The following BIVM variants were observed in gnomAD, a reference collection of about 807,000 sequenced individuals.
The protein encoded by BIVM is basic, immunoglobulin-like variable motif containing.
A neutral mutation model predicts 61.4 loss-of-function variants in BIVM; 31 were observed. The observed-to-expected ratio is 0.51, with a 90% CI of 0.38 to 0.68. The LOEUF is 0.68. BIVM is among the 30% of genes least tolerant of loss of function. The probability of loss-of-function intolerance (pLI) is 0.00; values close to 1 mark genes in which losing one functional copy is unlikely to be tolerated. For missense variants in BIVM, 526 were observed against 596.0 expected (o/e 0.88, Z 1.22); for synonymous variants, 189 against 210.7 (o/e 0.90, Z 0.89).
chr13:102,808,604 TAGGTAATG>T (rs1281927098), intron 3 of BIVM, among the ~76,000 whole-genome samples: 2 of 152,170 alleles, frequency 1.3e-5, no homozygotes, highest in Non-Finnish European at 2.9e-5. Flanking sequence ...TCTAAATTTG[TAGGTAATG>T]AGTCTGCAAT....
chr13:102,808,862 C>G (rs751514577), intron 3 of BIVM, among the ~76,000 whole-genome samples: 3 of 152,144 alleles, frequency 2.0e-5, no homozygotes, highest in Non-Finnish European at 4.4e-5. Context: ...CCTCTAACAT[C>G]TAAGGAATCT....
chr13:102,817,299 C>A (rs1417001654), intron 4 of BIVM, among the ~76,000 whole-genome samples: 1 of 152,124 alleles, frequency 6.6e-6, no homozygotes, highest in Non-Finnish European at 1.5e-5. Context: ...ATGCATCTAA[C>A]CTCAATATTT....
At chr13:102,814,614 C>A (rs949450108) in intron 3 of BIVM, among the ~76,000 whole-genome samples, 20 of 152,238 alleles carry the variant, frequency 1.3e-4, no homozygotes, top group South Asian at 2.1e-4. Flanking sequence ...GAAACTAATT[C>A]TTCTGTTATC....
intron 7 of BIVM, among the ~76,000 whole-genome samples, chr13:102,829,827 A>G (rs2140490593): frequency 6.6e-6 from 1 of 152,146 alleles, no homozygotes; most frequent in South Asian, 2.1e-4. Flanking sequence ...CGACAGAGCA[A>G]GGCCCTGTCT....
chr13:102,826,051 C>T (rs879620719), intron 7 of BIVM, among the ~76,000 whole-genome samples: 8 of 152,088 alleles, frequency 5.3e-5, no homozygotes, highest in Non-Finnish European at 1.2e-4. Context: ...TTAATGAATT[C>T]GCAATTGAGG....
Position 102,807,407 on chromosome 13 carries a change from C to G in BIVM, c.140C>G (p.Pro47Arg), listed in dbSNP as rs767424146. 1 of 1,613,986 alleles carries G rather than the reference C, an allele frequency of 6.2e-7. No individual in the cohort carries two copies. Among genetic ancestry groups the G allele is most frequent in the Non-Finnish European group, 8.5e-7 (1 of 1,180,034 alleles). Residue 47 changes from proline (P) to arginine (R), a missense_variant, in exon 3 of 11, where the codon CCC becomes CGC. Pro to Arg is a moderately radical substitution (Grantham distance 103). Around this residue, in one of 3 missense-constraint regions of BIVM, gnomAD observed 312 missense variants for 343.8 expected, o/e 0.91. Coordinates refer to ENST00000257336, the MANE Select transcript of BIVM (RefSeq NM_017693.4). This position sits in a 1 kb window ranked among gnomAD's most constrained non-coding sequence, Gnocchi z 4.0. The stretch of plus-strand genomic sequence containing the variant: ...AGTGCCTCAGGAGCACCCTTGGGTC[C>G]CAAAGGAGATGGTCATTATCCATGG... The part of the protein sequence containing the change: ...CTSASGAPLG[P>R]KGDGHYPWSC...
intron 3 of BIVM, among the ~76,000 whole-genome samples, chr13:102,810,000 C>A (rs988898505): frequency 6.6e-6 from 1 of 152,116 alleles, no homozygotes; most frequent in African/African-American, 2.4e-5. Context: ...GTCTCGACCT[C>A]CTGACCTCGT....
chr13:102,828,859 T>C (rs1880858784), intron 7 of BIVM, among the ~76,000 whole-genome samples: 3 of 152,062 alleles, frequency 2.0e-5, no homozygotes. Flanking sequence ...TGAAACCTTT[T>C]CTCTACTAAG....
At chr13:102,825,498 G>A (rs1327965307) in intron 7 of BIVM, among the ~76,000 whole-genome samples, 2 of 152,346 alleles carry the variant, frequency 1.3e-5, no homozygotes, top group East Asian at 3.9e-4. Flanking sequence ...GTTGGTGGGA[G>A]TTTGCCAAAC....
At position 102,799,227 on chromosome 13, in the gene BIVM, C is replaced by T. The variant is rs1015168646; in HGVS notation, c.-501C>T. Reference sequence around the variant, plus strand: ...GGGACAGATAAACACCACAGATGCCCATCAAAGGGGCGCACGGGTCTGGAG... The same window carrying T: ...GGGACAGATAAACACCACAGATGCCTATCAAAGGGGCGCACGGGTCTGGAG... On this transcript the variant is annotated 5_prime_UTR_variant, in exon 1 of 11. Coordinates refer to ENST00000257336, the MANE Select transcript of BIVM (RefSeq NM_017693.4). The T allele has an allele frequency of 3.1e-6, 1 of 325,862 alleles. No homozygotes were observed. The highest frequency in any genetic ancestry group is 5.5e-6 in the Non-Finnish European group (1 of 180,628). The allele number at this position is 325,862 out of a possible 1,614,324, so 20.2% of individuals were successfully genotyped here.
intron 7 of BIVM, among the ~76,000 whole-genome samples, chr13:102,829,206 A>G (rs1270869921): frequency 5.9e-5 from 9 of 152,178 alleles, no homozygotes; most frequent in Admixed American, 2.6e-4. Flanking sequence ...ACAAGCTCAT[A>G]CTAAGCAAAC....
At chr13:102,834,036 A>T (rs955859497) in intron 8 of BIVM, among the ~76,000 whole-genome samples, 1 of 152,224 alleles carries the variant, frequency 6.6e-6, no homozygotes, top group Non-Finnish European at 1.5e-5. Flanking sequence ...GCTCTACTCC[A>T]GACCTATTTG....
At chr13:102,828,078 A>G (rs538049333) in intron 7 of BIVM, among the ~76,000 whole-genome samples, 1 of 152,298 alleles carries the variant, frequency 6.6e-6, no homozygotes, top group East Asian at 1.9e-4. Flanking sequence ...CGCTGTTGTG[A>G]TTCAGGGACT....
In BIVM at chr13:102,807,431, G is replaced by T; in HGVS notation, c.164G>T (p.Trp55Leu). Reference protein sequence around the residue: ...LGPKGDGHYPWSCPVTHTREK... With the variant: ...LGPKGDGHYPLSCPVTHTREK... ...CCCAAAGGAGATGGTCATTATCCATGGAGTTGTCCAGTGACTCATACACGG... is the reference window on the plus strand; with the variant it reads ...CCCAAAGGAGATGGTCATTATCCATTGAGTTGTCCAGTGACTCATACACGG... The change falls in exon 3 of 11, where the codon TGG becomes TTG. Residue 55 changes from tryptophan to leucine, a missense_variant. This residue lies in a region of BIVM where 312 missense variants were observed against 343.8 expected (regional missense o/e 0.91). Coordinates refer to ENST00000257336, the MANE Select transcript of BIVM (RefSeq NM_017693.4). The surrounding 1 kb of genome is among the most constrained non-coding windows in gnomAD (Gnocchi z 4.0). The T allele has an allele frequency of 6.2e-7, 1 of 1,614,180 alleles. No individual in the cohort carries two copies. The highest frequency in any genetic ancestry group is 1.1e-5 in the South Asian group (1 of 91,088).
intron 9 of BIVM, among the ~76,000 whole-genome samples, chr13:102,836,520 TC>T (rs1169771706): frequency 6.6e-6 from 1 of 152,148 alleles, no homozygotes; most frequent in Non-Finnish European, 1.5e-5. Flanking sequence ...TGCTGTGTTG[TC>T]CAGGCTGGTT....
intron 1 of BIVM, among the ~76,000 whole-genome samples, chr13:102,803,159 A>T (rs1451375161): frequency 2.0e-5 from 2 of 100,066 alleles, no homozygotes; most frequent in African/African-American, 6.9e-5. Context: ...CCTGTTTCTT[A>T]AAAAAAAAAA....
In BIVM at chr13:102,807,645, C is replaced by T; in HGVS notation, c.378C>T (p.Ser126=). ...AAATTATCTACAATGAAGAAAATAG[C>T]TTGGAAAACTTATCCAACAGCCTGG... is the stretch of plus-strand genomic sequence containing the variant. ...TSEIIYNEEN[S]LENLSNSLGK... is the part of the protein sequence containing the mutation. The change falls in exon 3 of 11, where the codon AGC becomes AGT. Residue 126 remains serine (S), a synonymous_variant. Transcript: ENST00000257336. This position sits in a 1 kb window ranked among gnomAD's most constrained non-coding sequence, Gnocchi z 4.0. 1 of 1,614,098 alleles carries T rather than the reference C, an allele frequency of 6.2e-7. No individual in the cohort carries two copies.
intron 1 of BIVM, among the ~76,000 whole-genome samples, chr13:102,799,779 C>T (rs1878621501): frequency 6.6e-6 from 1 of 152,238 alleles, no homozygotes; most frequent in Admixed American, 6.5e-5. Context: ...GGGGGAAGAG[C>T]TGTGTCGCGG....
intron 8 of BIVM, among the ~76,000 whole-genome samples, chr13:102,833,668 A>T (rs76029744): frequency 0.056 from 8,463 of 152,092 alleles, 746 homozygotes; most frequent in African/African-American, 0.19. Flanking sequence ...TTGGAGTCCC[A>T]CTCAAAGGCC....
Sources: allele counts gnomAD v4.1 joint callset (sites outside exome capture counted in the v4.1 genomes callset), GRCh38; gene constraint gnomAD v4.1.1; regional missense constraint gnomAD v4.1.1; non-coding constraint Gnocchi (gnomAD v3.1); transcripts MANE v1.5; gene names NCBI Gene and HGNC (gene_info 2026-07-23, HGNC 2026-07-21).